The following PRRG1 variants were observed in gnomAD, a reference collection of about 807,000 sequenced individuals.
PRRG1 encodes transmembrane gamma-carboxyglutamic acid protein 1.
Under a neutral mutation model 11.8 loss-of-function variants are expected in PRRG1, and 5 were observed. The ratio of observed to expected loss-of-function variants is 0.42; its 90% CI spans 0.22 to 0.89. PRRG1 has a LOEUF of 0.89. Among genes scored for constraint, PRRG1 ranks in the 40% least tolerant of loss-of-function variants. PRRG1 has a pLI of 0.28. For missense variants in PRRG1, 155 were observed against 166.1 expected, an observed-to-expected ratio of 0.93 and a Z score of 0.37; for synonymous variants, 66 against 60.4, an observed-to-expected ratio of 1.09 and a Z score of -0.43.
intron 2 of PRRG1, among the ~76,000 whole-genome samples, chrX:37,413,727 C>T (rs1278614238): frequency 1.8e-5 from 2 of 111,390 alleles, no homozygotes; most frequent in Non-Finnish European, 1.9e-5. Flanking sequence ...CTTGCAATTC[C>T]CTGATGACAT....
intron 3 of PRRG1, among the ~76,000 whole-genome samples, chrX:37,438,593 C>T (rs1211926853): frequency 3.6e-5 from 4 of 109,661 alleles, no homozygotes; most frequent in Non-Finnish European, 5.7e-5. Context: ...CCCACCACTA[C>T]GACCAGCTAA....
chrX:37,355,243 G>T (rs1488023562), intron 1 of PRRG1, among the ~76,000 whole-genome samples: 1 of 110,892 alleles, frequency 9.0e-6, no homozygotes, highest in African/African-American at 3.3e-5. Flanking sequence ...TCTTAATCTG[G>T]TGTGTGCATC....
intron 1 of PRRG1, among the ~76,000 whole-genome samples, chrX:37,372,915 G>C (rs1005536330): frequency 1.8e-5 from 2 of 112,369 alleles, no homozygotes; most frequent in Admixed American, 1.9e-4. Flanking sequence ...CTACTAGTAG[G>C]TTTATAGTTT....
intron 3 of PRRG1, among the ~76,000 whole-genome samples, chrX:37,451,592 A>G (rs1186806829): frequency 1.8e-5 from 2 of 111,795 alleles, no homozygotes; most frequent in Non-Finnish European, 3.8e-5. Context: ...GCTTTTTTAA[A>G]TATCGAATCT....
chrX:37,354,595 G>C lies in PRRG1; in HGVS notation c.-42+5200G>C, dbSNP rs181151856. 3.2e-3 allele frequency among the ~76,000 whole-genome samples: 350 copies of C among 108,673 alleles called. 2 individuals are homozygous for C. Among genetic ancestry groups the C allele is most frequent in the African/African-American group, 0.011 (329 of 29,788 alleles). The allele number at this position is 108,673 out of a possible 115,157, so 94.4% of individuals were successfully genotyped here. On this transcript the variant is annotated intron_variant, in intron 1 of 3. Transcript: ENST00000378628. ...TTTTTAGTAGAGACGGGTTTTCACC[G>C]TGTTAGCCAGGATGGTCTCGATCTC... is the stretch of plus-strand genomic sequence containing the variant.
chrX:37,410,743 G>A (rs979221482), intron 2 of PRRG1, among the ~76,000 whole-genome samples: 5 of 112,075 alleles, frequency 4.5e-5, no homozygotes, highest in African/African-American at 6.5e-5. Context: ...TCAGAAGCTC[G>A]TGCTACACAG....
At chrX:37,354,477 C>G (rs1930174676) in intron 1 of PRRG1, among the ~76,000 whole-genome samples, 1 of 108,223 alleles carries the variant, frequency 9.2e-6, no homozygotes, top group Non-Finnish European at 1.9e-5. Context: ...ACTGCAAGCT[C>G]TGCCTCCTGG....
chrX:37,453,895 G>A lies in PRRG1; in HGVS notation c.*274G>A, dbSNP rs1921254719. 4.1e-6 allele frequency: 1 copy of A among 242,850 alleles called. No homozygotes were observed. The allele number at this position is 242,850 out of a possible 1,213,427, so 20.0% of individuals were successfully genotyped here. On this transcript the variant is annotated 3_prime_UTR_variant, in exon 4 of 4. Coordinates refer to ENST00000378628, the MANE Select transcript of PRRG1 (RefSeq NM_001142395.2). ...CATACATGTAAGTGTATATATGTGTGTATAGGCATATATACGTGTGTATGC... is the reference window on the plus strand; with the variant it reads ...CATACATGTAAGTGTATATATGTGTATATAGGCATATATACGTGTGTATGC...
intron 1 of PRRG1, among the ~76,000 whole-genome samples, chrX:37,353,308 G>A (rs1401935646): frequency 8.9e-6 from 1 of 112,152 alleles, no homozygotes; most frequent in African/African-American, 3.2e-5. Flanking sequence ...TATAAAGAAA[G>A]AAAATGTTTT....
At chrX:37,365,222 C>A (rs1930535104) in intron 1 of PRRG1, among the ~76,000 whole-genome samples, 1 of 111,285 alleles carries the variant, frequency 9.0e-6, no homozygotes, top group Non-Finnish European at 1.9e-5. Flanking sequence ...TTCTAGAGCC[C>A]TTCGTATTTA....
At chrX:37,437,479 G>A in intron 3 of PRRG1, among the ~76,000 whole-genome samples, 1 of 112,089 alleles carries the variant, frequency 8.9e-6, no homozygotes, top group Middle Eastern at 4.6e-3. Flanking sequence ...AGAATCATTT[G>A]CACCATGGAT....
At chrX:37,445,634 G>A (rs1286404414) in intron 3 of PRRG1, among the ~76,000 whole-genome samples, 1 of 112,626 alleles carries the variant, frequency 8.9e-6, no homozygotes, top group African/African-American at 3.2e-5. Context: ...ACAAATATCC[G>A]GAAAGACTTG....
In PRRG1 at chrX:37,372,734, C is replaced by T. The variant is rs1220311594; in HGVS notation, c.-42+23339C>T. Among the ~76,000 whole-genome samples, 16 of 112,827 alleles carry T rather than the reference C, an allele frequency of 1.4e-4. No homozygotes were observed. In the Admixed American group the frequency reaches 1.5e-3, roughly 11 times the overall value. The stretch of plus-strand genomic sequence containing the variant: ...ATAGTTTGCAAATATTTTCTCCCAT[C>T]CCATGGGTTATCTCTTCATTCTGTT... On this transcript the variant is annotated intron_variant, in intron 1 of 3. Transcript: ENST00000378628.
intron 1 of PRRG1, among the ~76,000 whole-genome samples, chrX:37,401,109 A>C (rs1196707728): frequency 9.0e-6 from 1 of 110,877 alleles, no homozygotes; most frequent in Non-Finnish European, 1.9e-5. Flanking sequence ...ATAGAAAAAG[A>C]GGGAATCCTC....
chrX:37,403,271 A>T (rs1932077526), intron 1 of PRRG1, among the ~76,000 whole-genome samples: 1 of 110,397 alleles, frequency 9.1e-6, no homozygotes, highest in South Asian at 3.9e-4. Context: ...AAAATGTGGC[A>T]CATATACACC....
intron 1 of PRRG1, among the ~76,000 whole-genome samples, chrX:37,384,675 C>T (rs1556374742): frequency 9.0e-6 from 1 of 111,581 alleles, no homozygotes; most frequent in African/African-American, 3.3e-5. Context: ...ACAGGCACTT[C>T]ACAAAAGATA....
At chrX:37,434,945 G>A (rs1808558824) in intron 3 of PRRG1, among the ~76,000 whole-genome samples, 1 of 111,954 alleles carries the variant, frequency 8.9e-6, no homozygotes, top group African/African-American at 3.2e-5. Flanking sequence ...TATTTTGCTT[G>A]ACTTTCCACA....
At chrX:37,355,969 A>G (rs1930221129) in intron 1 of PRRG1, among the ~76,000 whole-genome samples, 1 of 112,132 alleles carries the variant, frequency 8.9e-6, no homozygotes, top group Non-Finnish European at 1.9e-5. Flanking sequence ...CATAAGTTTC[A>G]TATGATTTTC....
rs1364217484 is a variant in PRRG1 at position 37,450,727 on chromosome X, T to C, written c.172-2409T>C. 4.5e-5 allele frequency among the ~76,000 whole-genome samples: 5 copies of C among 111,887 alleles called. No individual in the cohort carries two copies. The Admixed American group carries it at 4.7e-4, about 11-fold the overall frequency. ...AAAAGGAAGTGGTGACCTGAGAGACTGGGAAGAGAGAGATTAAAGTCTCAC... is the reference window on the plus strand; with the variant it reads ...AAAAGGAAGTGGTGACCTGAGAGACCGGGAAGAGAGAGATTAAAGTCTCAC... On this transcript the variant is annotated intron_variant, in intron 3 of 3. Coordinates refer to ENST00000378628, the MANE Select transcript of PRRG1 (RefSeq NM_001142395.2).
Sources: gnomAD v4.1 joint callset for allele counts (sites outside exome capture counted in the v4.1 genomes callset) on GRCh38, gnomAD v4.1.1 for gene constraint, MANE v1.5 for transcripts, NCBI Gene and HGNC (gene_info 2026-07-23, HGNC 2026-07-21) for gene names.